The following SPECC1L variants were observed in gnomAD, a reference collection of about 807,000 sequenced individuals.
SPECC1L encodes cytospin-A.
A neutral mutation model predicts 116.8 loss-of-function variants in SPECC1L; 40 were observed. The ratio of observed to expected loss-of-function variants is 0.34; its 90% CI spans 0.27 to 0.45. SPECC1L has a LOEUF of 0.45. Ranked by LOEUF, SPECC1L falls within the 20% of genes least tolerant of loss-of-function variation. The pLI is 1.00. For synonymous variants in SPECC1L, 504 were observed against 500.6 expected (o/e 1.01, Z -0.09); for missense variants, 1,110 against 1,373.6 (o/e 0.81, Z 3.03).
At chr22:24,378,357 T>C (rs1271759569) in intron 14 of SPECC1L, among the ~76,000 whole-genome samples, 2 of 152,382 alleles carry the variant, frequency 1.3e-5, no homozygotes, top group East Asian at 1.9e-4. Flanking sequence ...TTTGATCTTT[T>C]ATTCAAAGCA....
intron 6 of SPECC1L, among the ~76,000 whole-genome samples, chr22:24,325,722 T>A (rs2040807866): frequency 6.6e-6 from 1 of 152,072 alleles, no homozygotes; most frequent in South Asian, 2.1e-4. Context: ...AACTTGAGAA[T>A]TTATGATCAG....
Position 24,302,225 on chromosome 22 carries a change from GC to G in SPECC1L, c.-4del. On this transcript the variant is annotated 5_prime_UTR_variant, in exon 3 of 17. Coordinates refer to ENST00000314328, the MANE Select transcript of SPECC1L (RefSeq NM_015330.6). Reference sequence around the variant, plus strand: ...CTTGTAAATGCATCACGAAGAGGCAGCCCAGAATGAAGAAAGCAAGCAGGAG... The same window carrying G: ...CTTGTAAATGCATCACGAAGAGGCAGCCAGAATGAAGAAAGCAAGCAGGAG... 7 of 1,613,980 alleles carry G rather than the reference GC, an allele frequency of 4.3e-6. No homozygotes were observed. In the East Asian group the frequency reaches 1.3e-4, roughly 31 times the overall value.
At chr22:24,383,021 T>G (rs1213112881) in intron 14 of SPECC1L, among the ~76,000 whole-genome samples, 1 of 152,220 alleles carries the variant, frequency 6.6e-6, no homozygotes, top group Non-Finnish European at 1.5e-5. Context: ...AAGCACAGTT[T>G]TTGTTCTTAC....
intron 16 of SPECC1L, among the ~76,000 whole-genome samples, chr22:24,413,282 G>A (rs562982033): frequency 6.6e-6 from 1 of 152,280 alleles, no homozygotes; most frequent in South Asian, 2.1e-4. Flanking sequence ...CTTCTACCTT[G>A]CCGAGCCCAA....
intron 4 of SPECC1L, among the ~76,000 whole-genome samples, chr22:24,315,761 G>GTATTTT (rs1191563280): frequency 1.3e-5 from 2 of 152,182 alleles, no homozygotes; most frequent in East Asian, 1.9e-4. Flanking sequence ...AGACTGGATG[G>GTATTTT]CTTAAGCCAC....
At chr22:24,325,479 G>A (rs947465437) in intron 6 of SPECC1L, among the ~76,000 whole-genome samples, 1 of 152,098 alleles carries the variant, frequency 6.6e-6, no homozygotes, top group Non-Finnish European at 1.5e-5. Context: ...GACACTTTTA[G>A]TGCATTTTAT....
chr22:24,286,604 A>T (rs536325302), intron 2 of SPECC1L, among the ~76,000 whole-genome samples: 2 of 152,290 alleles, frequency 1.3e-5, no homozygotes, highest in East Asian at 3.9e-4. Context: ...TTTCTGTCTT[A>T]TATCTTTGTC....
At chr22:24,286,173 G>T (rs560110302) in intron 2 of SPECC1L, among the ~76,000 whole-genome samples, 11 of 152,298 alleles carry the variant, frequency 7.2e-5, no homozygotes, top group African/African-American at 2.6e-4. Context: ...CTGATAAAGT[G>T]GGGGTAAGCT....
At chr22:24,292,148 A>G (rs772146879) in intron 2 of SPECC1L, among the ~76,000 whole-genome samples, 2 of 152,076 alleles carry the variant, frequency 1.3e-5, no homozygotes, top group Non-Finnish European at 2.9e-5. Context: ...CAGCCAGGGA[A>G]CGGCCTTGGA....
At chr22:24,397,139 A>G (rs1291765176) in intron 14 of SPECC1L, among the ~76,000 whole-genome samples, 1 of 152,208 alleles carries the variant, frequency 6.6e-6, no homozygotes, top group East Asian at 1.9e-4. Flanking sequence ...AGGTGGTGCC[A>G]CAGGTGTGCA....
At chr22:24,411,154 A>C (rs967426814) in intron 14 of SPECC1L, among the ~76,000 whole-genome samples, 2 of 152,060 alleles carry the variant, frequency 1.3e-5, no homozygotes, top group African/African-American at 4.8e-5. Context: ...ATGCCACTGC[A>C]CTCCAACCTG....
intron 3 of SPECC1L, 96 bp downstream of exon 3, chr22:24,302,480 C>A: frequency 6.7e-7 from 1 of 1,497,614 alleles, no homozygotes; most frequent in Non-Finnish European, 9.3e-7. Context: ...AGGGGTGTGC[C>A]CTCTTCTGGT....
At chr22:24,344,789 A>G (rs1463350139) in intron 10 of SPECC1L, among the ~76,000 whole-genome samples, 1 of 152,212 alleles carries the variant, frequency 6.6e-6, no homozygotes, top group Non-Finnish European at 1.5e-5. Flanking sequence ...TATTAGCATG[A>G]ATAATTGGAG....
chr22:24,291,224 A>G (rs1208974076), intron 2 of SPECC1L, among the ~76,000 whole-genome samples: 5 of 152,204 alleles, frequency 3.3e-5, no homozygotes, highest in Non-Finnish European at 7.3e-5. Context: ...TTCCTCTTAA[A>G]TTGTTTGATT....
intron 4 of SPECC1L, among the ~76,000 whole-genome samples, chr22:24,314,320 A>G (rs1424112155): frequency 6.6e-6 from 1 of 152,228 alleles, no homozygotes; most frequent in Non-Finnish European, 1.5e-5. Context: ...AAGTGCTGGT[A>G]TTACAGGCGT....
intron 14 of SPECC1L, among the ~76,000 whole-genome samples, chr22:24,386,535 C>T (rs2042163681): frequency 2.0e-5 from 3 of 151,932 alleles, no homozygotes; most frequent in Admixed American, 1.3e-4. Flanking sequence ...AACAAAGATG[C>T]ATGTAAAATA....
At chr22:24,307,896 G>T (rs1315051107) in intron 3 of SPECC1L, among the ~76,000 whole-genome samples, 1 of 150,934 alleles carries the variant, frequency 6.6e-6, no homozygotes, top group Non-Finnish European at 1.5e-5. Context: ...TCCTCAATCT[G>T]TCTGGAAATA....
intron 14 of SPECC1L, among the ~76,000 whole-genome samples, chr22:24,381,162 T>C (rs1415123158): frequency 2.6e-5 from 4 of 152,202 alleles, no homozygotes; most frequent in Non-Finnish European, 4.4e-5. Flanking sequence ...ATCTAAGAGC[T>C]TGTGTTGCAT....
At chr22:24,391,510 AT>A (rs1302316018) in intron 14 of SPECC1L, among the ~76,000 whole-genome samples, 1 of 151,488 alleles carries the variant, frequency 6.6e-6, no homozygotes, top group African/African-American at 2.5e-5. Context: ...GATGACACAA[AT>A]TAGATCCTCC....
Sources: allele counts gnomAD v4.1 joint callset (sites outside exome capture counted in the v4.1 genomes callset), GRCh38; gene constraint gnomAD v4.1.1; transcripts MANE v1.5; gene names NCBI Gene and HGNC (gene_info 2026-07-23, HGNC 2026-07-21).